TTC6: variants seen among roughly 807,000 people sequenced by gnomAD.
The protein encoded by TTC6 is tetratricopeptide repeat protein 6.
TTC6 carries 172 observed loss-of-function variants against 210.4 expected under a neutral mutation model. The ratio of observed to expected loss-of-function variants is 0.82; its 90% CI spans 0.72 to 0.93. The LOEUF (loss-of-function observed/expected upper bound fraction) is 0.93, where lower values mean the gene tolerates loss of function less well. Among genes scored for constraint, TTC6 ranks in the 40% least tolerant of loss-of-function variants. The pLI is 0.00. For synonymous variants in TTC6, 804 were observed against 819.6 expected (o/e 0.98, Z 0.32); for missense variants, 2,414 against 2,318.1 (o/e 1.04, Z -0.85).
intron 5 of TTC6, among the ~76,000 whole-genome samples, chr14:37,711,374 A>G (rs1414888652): frequency 6.6e-6 from 1 of 152,196 alleles, no homozygotes; most frequent in Non-Finnish European, 1.5e-5. Flanking sequence ...ATCAAATGCA[A>G]CAGGGAAACC....
chr14:37,768,748 G>C (rs1249997775), intron 14 of TTC6, among the ~76,000 whole-genome samples: 2 of 152,122 alleles, frequency 1.3e-5, no homozygotes, highest in African/African-American at 4.8e-5. Flanking sequence ...CGTCTGCAAA[G>C]AAGGACAATT....
At chr14:37,716,583 C>A (rs2095853140) in intron 6 of TTC6, among the ~76,000 whole-genome samples, 1 of 151,888 alleles carries the variant, frequency 6.6e-6, no homozygotes, top group Non-Finnish European at 1.5e-5. Context: ...CTCAGAGACA[C>A]AAAGGGGCAT....
intron 5 of TTC6, among the ~76,000 whole-genome samples, chr14:37,705,133 A>T (rs1193159749): frequency 6.6e-6 from 1 of 152,074 alleles, no homozygotes; most frequent in Non-Finnish European, 1.5e-5. Flanking sequence ...CCCCTTATAG[A>T]CAGCTCCTGC....
intron 24 of TTC6, among the ~76,000 whole-genome samples, chr14:37,811,646 C>T (rs976366265): frequency 1.3e-5 from 2 of 152,090 alleles, no homozygotes; most frequent in South Asian, 2.1e-4. Context: ...CTTGTTTAGT[C>T]AGTGAATGTA....
chr14:37,677,572 G>T (rs1331535470), intron 1 of TTC6, among the ~76,000 whole-genome samples: 1 of 152,030 alleles, frequency 6.6e-6, no homozygotes, highest in Non-Finnish European at 1.5e-5. Flanking sequence ...TTTCTGCTCA[G>T]AGGTCATTGA....
At chr14:37,606,439 A>T (rs772984296) in intron 1 of TTC6, among the ~76,000 whole-genome samples, 2 of 152,140 alleles carry the variant, frequency 1.3e-5, no homozygotes, top group Non-Finnish European at 2.9e-5. Context: ...TTCTCCCTGC[A>T]TCACTGTGGT....
intron 3 of TTC6, among the ~76,000 whole-genome samples, chr14:37,686,091 C>T (rs574600747): frequency 9.2e-5 from 14 of 152,158 alleles, no homozygotes; most frequent in African/African-American, 2.9e-4. Context: ...ACATGAGTCT[C>T]GTGGGAAGAG....
chr14:37,642,672 A>G (rs1276730648), intron 1 of TTC6, among the ~76,000 whole-genome samples: 2 of 152,134 alleles, frequency 1.3e-5, no homozygotes, highest in East Asian at 3.9e-4. Context: ...CAACGGGAAT[A>G]CTTTGTGAGA....
chr14:37,680,752 C>G (rs1429352199), intron 2 of TTC6, among the ~76,000 whole-genome samples: 1 of 152,006 alleles, frequency 6.6e-6, no homozygotes, highest in Non-Finnish European at 1.5e-5. Flanking sequence ...GAACATATTC[C>G]TTGTGAATGG....
intron 1 of TTC6, among the ~76,000 whole-genome samples, chr14:37,677,681 A>G (rs1226303628): frequency 6.6e-6 from 1 of 151,994 alleles, no homozygotes; most frequent in Non-Finnish European, 1.5e-5. Flanking sequence ...TGGAACCCCA[A>G]TTAAATATAT....
chr14:37,688,277 G>A (rs1465630437), intron 3 of TTC6, among the ~76,000 whole-genome samples: 3 of 152,182 alleles, frequency 2.0e-5, no homozygotes, highest in African/African-American at 4.8e-5. Context: ...TTTAGCTGTA[G>A]TGCAATAGAA....
intron 12 of TTC6, 27 bp downstream of exon 14, chr14:37,749,870 T>C (rs1324250252): frequency 7.0e-6 from 9 of 1,289,806 alleles, no homozygotes; most frequent in South Asian, 2.3e-5. Flanking sequence ...GACAGTTATA[T>C]TACCTACATT....
intron 3 of TTC6, among the ~76,000 whole-genome samples, chr14:37,694,315 C>G (rs1315163191): frequency 6.6e-6 from 1 of 152,084 alleles, no homozygotes; most frequent in Non-Finnish European, 1.5e-5. Flanking sequence ...ATACATTTCT[C>G]AAAAGAAGAC....
At chr14:37,651,280 A>G (rs577929342) in intron 1 of TTC6, among the ~76,000 whole-genome samples, 14 of 150,256 alleles carry the variant, frequency 9.3e-5, no homozygotes, top group Admixed American at 9.3e-4. Flanking sequence ...CAATTCATAC[A>G]TTGTTCTTAG....
At chr14:37,731,848 AT>A (rs1327540862) in intron 7 of TTC6, among the ~76,000 whole-genome samples, 4 of 145,840 alleles carry the variant, frequency 2.7e-5, no homozygotes, top group Non-Finnish European at 4.4e-5. Context: ...ATACAGTTGG[AT>A]TTTTTTTGTT....
At chr14:37,633,402 C>G (rs2139351966) in intron 1 of TTC6, among the ~76,000 whole-genome samples, 1 of 152,288 alleles carries the variant, frequency 6.6e-6, no homozygotes, top group Non-Finnish European at 1.5e-5. Context: ...CTTGCACTTC[C>G]CAGGTGAGGT....
chr14:37,611,055 C>T (rs1025579272), intron 2 of TTC6, among the ~76,000 whole-genome samples: 1 of 152,206 alleles, frequency 6.6e-6, no homozygotes, highest in Non-Finnish European at 1.5e-5. Context: ...GTCTTTTTAG[C>T]GCCGGGAGAA....
At chr14:37,806,921 G>A (rs942115652) in intron 22 of TTC6, among the ~76,000 whole-genome samples, 6 of 152,126 alleles carry the variant, frequency 3.9e-5, no homozygotes, top group Non-Finnish European at 1.5e-5. Context: ...TCTGGTCTAA[G>A]TGTTAAATTA....
chr14:37,733,110 C>G (rs2095892295), intron 7 of TTC6, among the ~76,000 whole-genome samples: 1 of 152,152 alleles, frequency 6.6e-6, no homozygotes, highest in African/African-American at 2.4e-5. Context: ...GCATCTTTAA[C>G]TTATTGATAT....
Sources: allele counts gnomAD v4.1 joint callset (sites outside exome capture counted in the v4.1 genomes callset), GRCh38; gene constraint gnomAD v4.1.1; transcripts MANE v1.5; gene names NCBI Gene and HGNC (gene_info 2026-07-23, HGNC 2026-07-21).